The following DENND1A variants were observed in gnomAD, a reference collection of about 807,000 sequenced individuals.
The protein encoded by DENND1A is DENN domain-containing protein 1A.
In DENND1A, 51 loss-of-function variants were observed where a neutral mutation model predicts 113.7. The observed-to-expected ratio is 0.45, with a 90% confidence interval of 0.36 to 0.57. DENND1A has a LOEUF of 0.57. Ranked by LOEUF, DENND1A falls within the 20% of genes least tolerant of loss-of-function variation. The pLI, the probability that DENND1A is intolerant of heterozygous loss-of-function variation, is 0.00. For synonymous variants in DENND1A, 565 were observed against 570.8 expected (o/e 0.99, Z 0.14); for missense variants, 1,258 against 1,395.9 (o/e 0.90, Z 1.57).
At chr9:123,723,608 T>C (rs940454411) in intron 5 of DENND1A, among the ~76,000 whole-genome samples, 1 of 152,200 alleles carries the variant, frequency 6.6e-6, no homozygotes, top group African/African-American at 2.4e-5. Context: ...ATAAGTCTCA[T>C]GAAATCTGAT....
intron 5 of DENND1A, among the ~76,000 whole-genome samples, chr9:123,708,178 T>C (rs552993924): frequency 6.6e-6 from 1 of 152,118 alleles, no homozygotes; most frequent in African/African-American, 2.4e-5. Flanking sequence ...GAACAACCCA[T>C]GTGGTCCACC....
intron 13 of DENND1A, among the ~76,000 whole-genome samples, chr9:123,488,060 C>T (rs572210619): frequency 2.3e-4 from 35 of 152,334 alleles, no homozygotes; most frequent in African/African-American, 7.5e-4. Flanking sequence ...CTGCTGGGTA[C>T]GGGGCAGCCT....
intron 8 of DENND1A, among the ~76,000 whole-genome samples, chr9:123,662,027 T>C (rs1459616523): frequency 6.6e-6 from 1 of 152,156 alleles, no homozygotes; most frequent in Non-Finnish European, 1.5e-5. Flanking sequence ...GTTTCCATAT[T>C]AAATGGAACC....
rs1168453069 is a variant in DENND1A, at chr9:123,611,309, C to CA, written c.720-1829dup. On this transcript the variant is annotated intron_variant, in intron 10 of 23. Coordinates refer to ENST00000394215, the MANE Select transcript of DENND1A (RefSeq NM_001352964.2). ...ACCATTAGTTTAGCTGCCAGCTACA[C>CA]AAATGCTCAAACTTCCCAGTGTGCC... Among the ~76,000 whole-genome samples the CA allele has an allele frequency of 3.3e-5, 5 of 152,210 alleles. No homozygotes were observed. In the South Asian group the frequency reaches 1.0e-3, roughly 32 times the overall value.
intron 17 of DENND1A, among the ~76,000 whole-genome samples, chr9:123,452,033 CA>C (rs10653405): frequency 2.2e-5 from 3 of 134,904 alleles, no homozygotes; most frequent in Admixed American, 7.4e-5. Flanking sequence ...CCTGTCTCTC[CA>C]AAAAAAAAAA....
chr9:123,387,134 C>T (rs959140739), intron 22 of DENND1A, among the ~76,000 whole-genome samples: 6 of 152,078 alleles, frequency 3.9e-5, no homozygotes, highest in African/African-American at 9.7e-5. Flanking sequence ...GGGGCAAGAA[C>T]GGGTAAAGGA....
At chr9:123,704,955 T>C (rs2066101142) in intron 5 of DENND1A, among the ~76,000 whole-genome samples, 1 of 152,022 alleles carries the variant, frequency 6.6e-6, no homozygotes, top group Admixed American at 6.5e-5. Flanking sequence ...AAAAGCCTAA[T>C]GTATTCTAAT....
chr9:123,795,633 G>C (rs1434923885), intron 2 of DENND1A, among the ~76,000 whole-genome samples: 1 of 152,082 alleles, frequency 6.6e-6, no homozygotes, highest in Non-Finnish European at 1.5e-5. Flanking sequence ...AATGGTCTGG[G>C]AACATTTTAT....
At chr9:123,542,330 A>G (rs943624865) in intron 13 of DENND1A, among the ~76,000 whole-genome samples, 3 of 152,198 alleles carry the variant, frequency 2.0e-5, no homozygotes, top group Non-Finnish European at 4.4e-5. Flanking sequence ...AGGTATAGTA[A>G]CTTGTGTAGA....
intron 2 of DENND1A, among the ~76,000 whole-genome samples, chr9:123,847,926 T>A (rs1325498178): frequency 6.6e-6 from 1 of 151,816 alleles, no homozygotes; most frequent in Non-Finnish European, 1.5e-5. Flanking sequence ...AGAGCGAGAC[T>A]TCATCTCAAA....
At chr9:123,867,995 G>A (rs1846024260) in intron 2 of DENND1A, among the ~76,000 whole-genome samples, 1 of 152,082 alleles carries the variant, frequency 6.6e-6, no homozygotes. Context: ...CAAGAGATAG[G>A]GAAAATTTCT....
intron 5 of DENND1A, among the ~76,000 whole-genome samples, chr9:123,756,571 C>T (rs1013617691): frequency 5.9e-5 from 9 of 152,164 alleles, no homozygotes; most frequent in African/African-American, 2.2e-4. Flanking sequence ...GTTACAAATG[C>T]TATGCTTGGT....
chr9:123,478,826 G>A (rs1412171713), intron 13 of DENND1A, among the ~76,000 whole-genome samples: 1 of 152,206 alleles, frequency 6.6e-6, no homozygotes, highest in Admixed American at 6.5e-5. Context: ...GGGACATGAA[G>A]AGCCAGAACC....
intron 21 of DENND1A, among the ~76,000 whole-genome samples, chr9:123,398,962 T>A (rs181985324): frequency 6.6e-6 from 1 of 151,760 alleles, no homozygotes; most frequent in East Asian, 2.0e-4. Flanking sequence ...ACCCAGCTAA[T>A]TTTTTGTGTT....
At chr9:123,905,207 G>T (rs1447913534) in intron 1 of DENND1A, among the ~76,000 whole-genome samples, 3 of 151,956 alleles carry the variant, frequency 2.0e-5, no homozygotes, top group African/African-American at 7.3e-5. Flanking sequence ...CCTGAAGGAA[G>T]TGCTAAACAT....
chr9:123,434,075 G>A (rs985512846), intron 19 of DENND1A, among the ~76,000 whole-genome samples: 2 of 152,224 alleles, frequency 1.3e-5, no homozygotes, highest in Non-Finnish European at 2.9e-5. Flanking sequence ...CACCCAGGCT[G>A]GCGTGCGGTG....
In DENND1A at chr9:123,381,349, G is replaced by GA; in HGVS notation, c.*82dup. ...TTCCCACCAGCAGAACCTGGGCAGA[G>GA]AGAGAGTGGCGGGGGAGCCTCGGAA... On this transcript the variant is annotated 3_prime_UTR_variant, in exon 24 of 24. Coordinates refer to ENST00000394215, the MANE Select transcript of DENND1A (RefSeq NM_001352964.2). This position sits in a 1 kb window ranked among gnomAD's most constrained non-coding sequence, Gnocchi z 4.7. 1.5e-6 allele frequency: 2 copies of GA among 1,377,330 alleles called. No homozygotes were observed. The highest frequency in any genetic ancestry group is 2.8e-5 in the African/African-American group (2 of 70,484). The allele number at this position is 1,377,330 out of a possible 1,614,324, so 85.3% of individuals were successfully genotyped here.
chr9:123,580,617 C>A (rs961787696), intron 12 of DENND1A, among the ~76,000 whole-genome samples: 20 of 152,246 alleles, frequency 1.3e-4, no homozygotes, highest in Admixed American at 1.1e-3. Flanking sequence ...TCACTTCCCA[C>A]ATTCACTAGG....
intron 21 of DENND1A, among the ~76,000 whole-genome samples, 186 bp downstream of exon 21, chr9:123,403,216 A>G (rs1450910617): frequency 6.6e-6 from 1 of 152,114 alleles, no homozygotes; most frequent in African/African-American, 2.4e-5. Context: ...GGGGCCTCCC[A>G]CTGGTGTGAC....
Sources: allele counts gnomAD v4.1 joint callset (sites outside exome capture counted in the v4.1 genomes callset), GRCh38; gene constraint gnomAD v4.1.1; non-coding constraint Gnocchi (gnomAD v3.1); transcripts MANE v1.5; gene names NCBI Gene and HGNC (gene_info 2026-07-23, HGNC 2026-07-21).